The following TMC7 variants were observed in gnomAD, a reference collection of about 807,000 sequenced individuals.
TMC7 encodes the protein transmembrane channel-like protein 7.
A neutral mutation model predicts 82.9 loss-of-function variants in TMC7; 54 were observed. The ratio of observed to expected loss-of-function variants is 0.65; its 90% CI spans 0.52 to 0.82. TMC7 has a LOEUF of 0.82. TMC7 is among the 40% of genes least tolerant of loss of function. TMC7 has a pLI of 0.00. For synonymous variants in TMC7, 350 were observed against 337.9 expected (o/e 1.04, Z -0.39); for missense variants, 820 against 901.2 (o/e 0.91, Z 1.15).
Position 19,021,816 on chromosome 16 carries a change from T to A in TMC7, c.628+20T>A, listed in dbSNP as rs1433920697. The stretch of plus-strand genomic sequence containing the variant: ...ACATGGGTGAGTGTAAGGCCTGGTT[T>A]ACTACGAAGTGTGTTTGTTTTTCAC... On this transcript the variant is annotated intron_variant, in intron 4 of 15. Transcript: ENST00000304381. The A allele has an allele frequency of 1.9e-6, 3 of 1,610,992 alleles. No individual in the cohort carries two copies. Among genetic ancestry groups the A allele is most frequent in the Non-Finnish European group, 2.5e-6 (3 of 1,178,424 alleles).
At chr16:19,036,246 A>C (rs536060136) in intron 7 of TMC7, among the ~76,000 whole-genome samples, 110 of 152,350 alleles carry the variant, frequency 7.2e-4, no homozygotes, top group African/African-American at 2.1e-3. Context: ...GTGGTGGCTT[A>C]TGCCTGTAAT....
rs761114055 is a variant in TMC7 at position 19,030,192 on chromosome 16, A to C, written c.712-32A>C. ...TCTGGTTCCCTGCAGTAAGCTGACC[A>C]GTCTGACTTCATGCTCTTGGCTTCG... is the stretch of plus-strand genomic sequence containing the variant. On this transcript the variant is annotated intron_variant, in intron 5 of 15. Transcript: ENST00000304381. 16 of 1,599,824 alleles carry C rather than the reference A, an allele frequency of 1.0e-5. No individual in the cohort carries two copies. The African/African-American group carries it at 1.9e-4, about 19-fold the overall frequency.
At chr16:19,017,565 A>G (rs1232071957) in intron 3 of TMC7, among the ~76,000 whole-genome samples, 1 of 151,752 alleles carries the variant, frequency 6.6e-6, no homozygotes, top group Non-Finnish European at 1.5e-5. Context: ...CATGCCTGTA[A>G]TCCTAGCATT....
intron 1 of TMC7, among the ~76,000 whole-genome samples, chr16:18,991,568 T>A (rs1445728645): frequency 6.6e-6 from 1 of 152,150 alleles, no homozygotes; most frequent in African/African-American, 2.4e-5. Flanking sequence ...AATTGTTTCT[T>A]TTTTATTTAT....
At position 19,046,919 on chromosome 16, in the gene TMC7, G is replaced by T. The variant is rs552415950; in HGVS notation, c.1554-144G>T. 3.3e-5 allele frequency: 21 copies of T among 643,602 alleles called. No homozygotes were observed. In the African/African-American group the frequency reaches 3.3e-4, roughly 10 times the overall value. The allele number at this position is 643,602 out of a possible 1,614,324, so 39.9% of individuals were successfully genotyped here. On this transcript the variant is annotated intron_variant, in intron 11 of 15. Transcript: ENST00000304381. ...TTGGAACCTGATCTTAATGATTCCA[G>T]AGTTCATTATATTCTGCATCTTTAA...
At chr16:19,037,088 T>C (rs1960781398) in intron 7 of TMC7, among the ~76,000 whole-genome samples, 1 of 152,284 alleles carries the variant, frequency 6.6e-6, no homozygotes, top group South Asian at 2.1e-4. Context: ...CTTAGGTCTT[T>C]AGTAGACATA....
chr16:19,057,303 C>T (rs551241894), intron 14 of TMC7, among the ~76,000 whole-genome samples: 1 of 152,324 alleles, frequency 6.6e-6, no homozygotes, highest in African/African-American at 2.4e-5. Flanking sequence ...GAATCTCTTG[C>T]TCTTTGACAA....
intron 13 of TMC7, among the ~76,000 whole-genome samples, chr16:19,056,305 C>T (rs938772804): frequency 2.0e-5 from 3 of 151,970 alleles, no homozygotes; most frequent in African/African-American, 4.8e-5. Context: ...AGCCTGGTCT[C>T]GAACTCCTGA....
intron 2 of TMC7, among the ~76,000 whole-genome samples, chr16:19,015,438 T>A (rs1490665968): frequency 2.0e-5 from 3 of 152,062 alleles, no homozygotes; most frequent in Non-Finnish European, 2.9e-5. Flanking sequence ...GTCATTCCTT[T>A]CTGAGGTTGA....
At chr16:19,026,662 T>A (rs1960246713) in intron 5 of TMC7, among the ~76,000 whole-genome samples, 1 of 152,198 alleles carries the variant, frequency 6.6e-6, no homozygotes, top group African/African-American at 2.4e-5. Context: ...ATTATAGATG[T>A]TCAATAAAGT....
chr16:19,013,943 T>C (rs1384248741), intron 2 of TMC7, among the ~76,000 whole-genome samples: 1 of 143,646 alleles, frequency 7.0e-6, no homozygotes, highest in African/African-American at 2.5e-5. Flanking sequence ...AAGCTCTGCC[T>C]CCCAGGTTCA....
At chr16:19,056,419 G>C (rs78725571) in intron 13 of TMC7, 123 bp from the exon 14 acceptor site, 2 of 1,151,542 alleles carry the variant, frequency 1.7e-6, no homozygotes, top group East Asian at 2.5e-5. Flanking sequence ...CATTCCAGAA[G>C]GCCCAGGAGG....
chr16:19,015,566 A>G lies in TMC7; in HGVS notation c.312-884A>G, dbSNP rs977646790. Among the ~76,000 whole-genome samples, 6 of 150,596 alleles carry G rather than the reference A, an allele frequency of 4.0e-5. No homozygotes were observed. The East Asian group carries it at 5.8e-4, about 15-fold the overall frequency. On this transcript the variant is annotated intron_variant, in intron 2 of 15. Coordinates refer to ENST00000304381, the MANE Select transcript of TMC7 (RefSeq NM_024847.4). ...AACAATGCTGCTACGAACACTCAAG[A>G]CAAGTTTTTTTTTTTTTTTTTGAGA...
intron 3 of TMC7, among the ~76,000 whole-genome samples, chr16:19,018,683 C>T (rs1035202925): frequency 6.6e-6 from 1 of 152,034 alleles, no homozygotes; most frequent in African/African-American, 2.4e-5. Flanking sequence ...ATGCCCCCAT[C>T]CTAGTGCTTT....
At chr16:18,990,559 CT>C (rs1273860683) in intron 1 of TMC7, among the ~76,000 whole-genome samples, 2 of 152,204 alleles carry the variant, frequency 1.3e-5, no homozygotes, top group Admixed American at 1.3e-4. Context: ...ACCAAACAGG[CT>C]TTGCGTGAGC....
intron 11 of TMC7, among the ~76,000 whole-genome samples, chr16:19,046,832 C>CAA (rs34279699): frequency 6.5e-5 from 8 of 123,996 alleles, no homozygotes; most frequent in Non-Finnish European, 8.6e-5. Flanking sequence ...GACCTTGTCT[C>CAA]AAAAAAAAAA....
chr16:19,030,725 C>T (rs374205810), intron 6 of TMC7, among the ~76,000 whole-genome samples: 1 of 151,780 alleles, frequency 6.6e-6, no homozygotes, highest in Non-Finnish European at 1.5e-5. Flanking sequence ...ACTACAGGAA[C>T]GTGCCACCAT....
At chr16:19,007,443 G>A (rs2039260409) in intron 1 of TMC7, among the ~76,000 whole-genome samples, 1 of 152,134 alleles carries the variant, frequency 6.6e-6, no homozygotes, top group African/African-American at 2.4e-5. Flanking sequence ...CAACGAAACC[G>A]CCCACCAGGT....
chr16:18,993,208 T>C (rs1327742116), intron 1 of TMC7, among the ~76,000 whole-genome samples: 1 of 152,126 alleles, frequency 6.6e-6, no homozygotes, highest in Non-Finnish European at 1.5e-5. Context: ...AGAATAGGAC[T>C]TCATCAGGGT....
Sources: gnomAD v4.1 joint callset for allele counts (sites outside exome capture counted in the v4.1 genomes callset) on GRCh38, gnomAD v4.1.1 for gene constraint, MANE v1.5 for transcripts, NCBI Gene and HGNC (gene_info 2026-07-23, HGNC 2026-07-21) for gene names.